Variants in FNBP1 observed in about 807,000 individuals in gnomAD.
FNBP1 encodes the protein formin-binding protein 1.
Under a neutral mutation model 90.6 loss-of-function variants are expected in FNBP1, and 26 were observed. That is an observed-to-expected ratio of 0.29 (90% confidence interval 0.21 to 0.40). FNBP1 has a LOEUF of 0.40. FNBP1 is among the 10% of genes least tolerant of loss of function. The pLI is 1.00. For missense variants in FNBP1, 635 were observed against 768.0 expected, an observed-to-expected ratio of 0.83 and a Z score of 2.05; for synonymous variants, 260 against 265.2, an observed-to-expected ratio of 0.98 and a Z score of 0.19.
At chr9:129,892,416 C>CACACACAA (rs386416323) in intron 16 of FNBP1, among the ~76,000 whole-genome samples, 10 of 134,638 alleles carry the variant, frequency 7.4e-5, no homozygotes, top group African/African-American at 2.8e-4. Context: ...CACACACACA[C>CACACACAA]AAAAAGGTTG....
At chr9:129,977,994 C>G (rs748895653) in intron 4 of FNBP1, among the ~76,000 whole-genome samples, 1 of 151,788 alleles carries the variant, frequency 6.6e-6, no homozygotes, top group Non-Finnish European at 1.5e-5. Flanking sequence ...GAAACACTTT[C>G]TAGGAACAGG....
intron 11 of FNBP1, among the ~76,000 whole-genome samples, chr9:129,913,726 G>A (rs917877345): frequency 2.6e-5 from 4 of 151,468 alleles, no homozygotes; most frequent in East Asian, 2.0e-4. Flanking sequence ...AGCCGAGATC[G>A]CGCCACTGCA....
intron 4 of FNBP1, among the ~76,000 whole-genome samples, chr9:129,962,976 CTT>C (rs1381895336): frequency 6.6e-6 from 1 of 152,050 alleles, no homozygotes; most frequent in East Asian, 1.9e-4. Context: ...TCCTGAAAGT[CTT>C]TATCGGGTGA....
At chr9:129,943,422 T>G (rs1349431944) in intron 6 of FNBP1, among the ~76,000 whole-genome samples, 1 of 57,070 alleles carries the variant, frequency 1.8e-5, no homozygotes, top group African/African-American at 4.9e-5. Flanking sequence ...CTTTTGCTCT[T>G]GTTGCCCAGG....
chr9:129,983,879 T>TA (rs908293686), intron 2 of FNBP1, among the ~76,000 whole-genome samples: 2 of 152,102 alleles, frequency 1.3e-5, no homozygotes, highest in Non-Finnish European at 2.9e-5. Flanking sequence ...ATAAACCACT[T>TA]AAAAAAACTT....
intron 1 of FNBP1, among the ~76,000 whole-genome samples, chr9:130,000,511 A>T (rs1430519897): frequency 6.6e-6 from 1 of 152,166 alleles, no homozygotes; most frequent in Non-Finnish European, 1.5e-5. Context: ...AAACAAAAGA[A>T]AAAAGAAAAA....
chr9:129,917,776 G>A (rs901098494), intron 10 of FNBP1, among the ~76,000 whole-genome samples: 1 of 152,142 alleles, frequency 6.6e-6, no homozygotes, highest in African/African-American at 2.4e-5. Context: ...TTTGCAGGGG[G>A]AAAATGGTAC....
At chr9:129,936,728 C>T (rs2043518139) in intron 6 of FNBP1, among the ~76,000 whole-genome samples, 1 of 152,128 alleles carries the variant, frequency 6.6e-6, no homozygotes, top group Admixed American at 6.6e-5. Flanking sequence ...AGAATAAGCA[C>T]TGGTATTTTT....
intron 1 of FNBP1, among the ~76,000 whole-genome samples, chr9:130,034,250 T>C (rs576510776): frequency 2.7e-5 from 4 of 150,792 alleles, no homozygotes; most frequent in Admixed American, 1.3e-4. Context: ...GAGGCGGAGA[T>C]TGCAGTGAGC....
rs142089766 is a variant in FNBP1 at position 129,991,804 on chromosome 9, C to T, written c.140+3039G>A. On this transcript the variant is annotated intron_variant, in intron 2 of 16. Coordinates refer to ENST00000446176, the MANE Select transcript of FNBP1 (RefSeq NM_015033.3). The stretch of plus-strand genomic sequence containing the variant: ...CCTCCCAAGTAGCTGGGACTACAGG[C>T]GCCCGCCACCATTTCCAGCTAATTT... Among the ~76,000 whole-genome samples, 1,324 of 152,028 alleles carry T rather than the reference C, an allele frequency of 8.7e-3. 6 individuals are homozygous for T. The highest frequency in any genetic ancestry group is 0.013 in the Non-Finnish European group (866 of 67,962).
At chr9:129,990,545 C>A (rs2052966716) in intron 2 of FNBP1, among the ~76,000 whole-genome samples, 1 of 152,148 alleles carries the variant, frequency 6.6e-6, no homozygotes, top group African/African-American at 2.4e-5. Context: ...AGAGTTAAAA[C>A]AGATGATGTC....
At chr9:129,906,942 G>A (rs1429257897) in intron 12 of FNBP1, among the ~76,000 whole-genome samples, 1 of 152,078 alleles carries the variant, frequency 6.6e-6, no homozygotes, top group Non-Finnish European at 1.5e-5. Flanking sequence ...ACCACTCCCA[G>A]CTAATTTTTG....
chr9:129,983,957 G>A (rs1458462041), intron 2 of FNBP1, among the ~76,000 whole-genome samples: 1 of 152,088 alleles, frequency 6.6e-6, no homozygotes, highest in African/African-American at 2.4e-5. Flanking sequence ...TTGTTTTTCA[G>A]GTAGCCTGAC....
At chr9:130,046,053 A>C (rs1452490511), upstream of FNBP1, among the ~76,000 whole-genome samples, 1 of 152,170 alleles carries the variant, frequency 6.6e-6, no homozygotes, top group African/African-American at 2.4e-5. Context: ...CTGATTTACA[A>C]AATTATGATC....
rs2041365601 is a variant in FNBP1, at chr9:129,923,256, G to T, written c.1170+588C>A. On this transcript the variant is annotated intron_variant, in intron 10 of 16. Transcript: ENST00000446176. ...GACTTGGATGCTTTAAAGAGGAAGAGGGGTAAAGTCCTTCCAAAATGTACT... is the reference window on the plus strand; with the variant it reads ...GACTTGGATGCTTTAAAGAGGAAGATGGGTAAAGTCCTTCCAAAATGTACT... 2.0e-5 allele frequency among the ~76,000 whole-genome samples: 3 copies of T among 151,792 alleles called. No individual in the cohort carries two copies. In the South Asian group the frequency reaches 6.2e-4, roughly 32 times the overall value.
intron 1 of FNBP1, among the ~76,000 whole-genome samples, chr9:130,033,075 T>G (rs1261780683): frequency 6.6e-6 from 1 of 152,194 alleles, no homozygotes; most frequent in Non-Finnish European, 1.5e-5. Flanking sequence ...AGTTCTACAG[T>G]TTGTTCCCAG....
chr9:129,919,299 T>A, intron 10 of FNBP1: 1 of 879,496 alleles, frequency 1.1e-6, no homozygotes, highest in Non-Finnish European at 1.6e-6. Context: ...CATAAGACTT[T>A]AACATATGAC....
chr9:129,975,044 C>T (rs2050089237), intron 4 of FNBP1, among the ~76,000 whole-genome samples: 2 of 152,030 alleles, frequency 1.3e-5, no homozygotes, highest in African/African-American at 4.8e-5. Flanking sequence ...CATGATGAAA[C>T]TCCATCTCTA....
intron 2 of FNBP1, among the ~76,000 whole-genome samples, chr9:129,987,415 A>G (rs2052455090): frequency 6.6e-6 from 1 of 152,052 alleles, no homozygotes; most frequent in Non-Finnish European, 1.5e-5. Flanking sequence ...CAAAACATGT[A>G]TATATTATTT....
Sources: allele counts gnomAD v4.1 joint callset (sites outside exome capture counted in the v4.1 genomes callset), GRCh38; gene constraint gnomAD v4.1.1; transcripts MANE v1.5; gene names NCBI Gene and HGNC (gene_info 2026-07-23, HGNC 2026-07-21).